FMN1: variants seen among roughly 807,000 people sequenced by gnomAD.
FMN1 encodes formin 1.
Under a neutral mutation model 132.4 loss-of-function variants are expected in FMN1, and 110 were observed. The ratio of observed to expected loss-of-function variants is 0.83; its 90% CI spans 0.71 to 0.97. The LOEUF is 0.97. Ranked by LOEUF, FMN1 falls within the 50% of genes least tolerant of loss-of-function variation. The pLI, the probability that FMN1 is intolerant of heterozygous loss-of-function variation, is 0.00. For missense variants in FMN1, 1,792 were observed against 1,705.3 expected (o/e 1.05, Z -0.90); for synonymous variants, 722 against 651.7 (o/e 1.11, Z -1.64).
intron 9 of FMN1, among the ~76,000 whole-genome samples, chr15:32,929,951 T>C (rs1286262301): frequency 1.3e-5 from 2 of 151,602 alleles, no homozygotes; most frequent in East Asian, 3.8e-4. Context: ...GAAGAAAGAT[T>C]AATGGATCAT....
intron 6 of FMN1, among the ~76,000 whole-genome samples, chr15:33,060,546 G>A (rs2037434185): frequency 6.6e-6 from 1 of 152,176 alleles, no homozygotes; most frequent in Admixed American, 6.5e-5. Context: ...CCTAGGTTCT[G>A]AGGAAAGATG....
At chr15:33,135,992 A>T (rs937612934) in intron 4 of FMN1, among the ~76,000 whole-genome samples, 5 of 152,244 alleles carry the variant, frequency 3.3e-5, no homozygotes, top group African/African-American at 1.2e-4. Flanking sequence ...TAGAACAATG[A>T]TGAATATATG....
intron 19 of FMN1, 140 bp from the exon 20 acceptor site, chr15:32,777,059 A>C: frequency 1.7e-6 from 1 of 586,230 alleles, no homozygotes; most frequent in South Asian, 2.2e-5. Context: ...GAAAATACTG[A>C]AATGTTTTTT....
At chr15:32,955,212 C>G (rs1426714065) in intron 9 of FMN1, among the ~76,000 whole-genome samples, 3 of 152,122 alleles carry the variant, frequency 2.0e-5, no homozygotes, top group African/African-American at 7.2e-5. Context: ...CTAGTGATAT[C>G]TTTATTTTTT....
At chr15:33,001,677 C>T (rs2034123352) in intron 7 of FMN1, among the ~76,000 whole-genome samples, 2 of 146,072 alleles carry the variant, frequency 1.4e-5, no homozygotes, top group South Asian at 4.6e-4. Context: ...GACTTTCCTC[C>T]TCCTCCCCCT....
chr15:33,051,511 G>A (rs1407893565), intron 6 of FMN1, among the ~76,000 whole-genome samples: 2 of 130,280 alleles, frequency 1.5e-5, no homozygotes, highest in African/African-American at 2.9e-5. Flanking sequence ...CTAATAATTG[G>A]TCACACCTGG....
intron 4 of FMN1, chr15:33,150,236 C>T: frequency 1.0e-6 from 1 of 985,434 alleles, no homozygotes; most frequent in Non-Finnish European, 1.2e-6. Context: ...ATCCTAGCAC[C>T]AAGCTCCAAG....
chr15:32,786,736 A>G (rs1277595146), intron 19 of FMN1, among the ~76,000 whole-genome samples: 1 of 152,214 alleles, frequency 6.6e-6, no homozygotes. Flanking sequence ...CTTACCTGAA[A>G]CATAGATGGT....
chr15:32,777,063 G>GT, intron 19 of FMN1, 144 bp from the exon 20 acceptor site: 1 of 586,972 alleles, frequency 1.7e-6, no homozygotes, highest in Non-Finnish European at 3.0e-6. Flanking sequence ...ATACTGAAAT[G>GT]TTTTTTCAAT....
At chr15:32,956,138 T>A (rs1285882653) in intron 9 of FMN1, among the ~76,000 whole-genome samples, 1 of 152,114 alleles carries the variant, frequency 6.6e-6, no homozygotes, top group Non-Finnish European at 1.5e-5. Context: ...GGTTCTAGGA[T>A]CCATGCAACT....
intron 17 of FMN1, among the ~76,000 whole-genome samples, chr15:32,848,914 G>T (rs1239548500): frequency 1.3e-5 from 2 of 151,188 alleles, no homozygotes; most frequent in Non-Finnish European, 2.9e-5. Flanking sequence ...AGCAGAACAG[G>T]CAACCTGTAT....
intron 17 of FMN1, among the ~76,000 whole-genome samples, chr15:32,809,454 C>T (rs1368731506): frequency 6.6e-6 from 1 of 152,170 alleles, no homozygotes; most frequent in Non-Finnish European, 1.5e-5. Context: ...ATTTGCAGTT[C>T]ACAGTGTGCC....
At chr15:32,938,263 T>C (rs923780949) in intron 9 of FMN1, among the ~76,000 whole-genome samples, 6 of 152,236 alleles carry the variant, frequency 3.9e-5, no homozygotes, top group Admixed American at 3.9e-4. Context: ...AAGCTGTGGC[T>C]CACACCTGTA....
At chr15:32,987,914 A>C (rs1176836438) in intron 7 of FMN1, among the ~76,000 whole-genome samples, 1 of 152,178 alleles carries the variant, frequency 6.6e-6, no homozygotes, top group Non-Finnish European at 1.5e-5. Flanking sequence ...TTTGCTATGC[A>C]AAATCCTCTA....
intron 16 of FMN1, among the ~76,000 whole-genome samples, chr15:32,884,633 C>T (rs347943): frequency 0.29 from 43,684 of 152,062 alleles, 6,883 homozygotes; most frequent in African/African-American, 0.42. Context: ...TGGGTAAGAA[C>T]ACCCTGAGAG....
intron 9 of FMN1, 136 bp downstream of exon 9, chr15:32,963,971 T>C: frequency 1.1e-5 from 5 of 466,748 alleles, no homozygotes; most frequent in East Asian, 3.2e-5. Flanking sequence ...ATTCCTATGA[T>C]ACACACACAT....
chr15:32,959,781 A>G (rs1444826365), intron 9 of FMN1, among the ~76,000 whole-genome samples: 3 of 152,276 alleles, frequency 2.0e-5, no homozygotes, highest in Non-Finnish European at 4.4e-5. Flanking sequence ...TTTAAAAACA[A>G]ATATTCATTC....
intron 4 of FMN1, among the ~76,000 whole-genome samples, chr15:33,121,234 A>G (rs533979694): frequency 6.6e-6 from 1 of 152,334 alleles, no homozygotes; most frequent in East Asian, 1.9e-4. Context: ...TCTTGAAACA[A>G]AAAGTATTCT....
intron 18 of FMN1, among the ~76,000 whole-genome samples, chr15:32,800,032 G>T (rs1274333478): frequency 6.6e-6 from 1 of 151,954 alleles, no homozygotes; most frequent in Non-Finnish European, 1.5e-5. Context: ...CTATTCAATG[G>T]CGATTGTAAA....
Sources: allele counts gnomAD v4.1 joint callset (sites outside exome capture counted in the v4.1 genomes callset), GRCh38; gene constraint gnomAD v4.1.1; transcripts MANE v1.5; gene names NCBI Gene and HGNC (gene_info 2026-07-23, HGNC 2026-07-21).